PRKAB1: variants seen among roughly 807,000 people sequenced by gnomAD.
The protein encoded by PRKAB1 is 5'-AMP-activated protein kinase subunit beta-1.
Under a neutral mutation model 32.0 loss-of-function variants are expected in PRKAB1, and 18 were observed. The observed-to-expected ratio is 0.56, with a 90% CI of 0.39 to 0.83. The LOEUF is 0.83. Ranked by LOEUF, PRKAB1 falls within the 40% of genes least tolerant of loss-of-function variation. PRKAB1 has a pLI of 0.00. For missense variants in PRKAB1, 263 were observed against 352.6 expected (o/e 0.75, Z 2.03); for synonymous variants, 141 against 141.4 (o/e 1.00, Z 0.02).
rs1955407768 is a variant in PRKAB1 at position 119,674,343 on chromosome 12, A to G, written c.421A>G (p.Ile141Val). 8.1e-6 allele frequency: 13 copies of G among 1,611,250 alleles called. 1 individual carries two copies. The highest frequency in any genetic ancestry group is 5.3e-5 in the African/African-American group (4 of 74,860). The part of the protein sequence containing the change: ...GQWTHDPSEP[I>V]VTSQLGTVNN... ...CTGCCTATCTGTCTCTTCCCAGCCC[A>G]TAGTAACCAGCCAGCTTGGCACAGT... Residue 141 changes from isoleucine to valine, a missense_variant, in exon 4 of 7, where the codon ATA becomes GTA. Physicochemically the swap from Ile to Val is conservative, Grantham distance 29. Transcript: ENST00000229328. This position sits in a 1 kb window ranked among gnomAD's most constrained non-coding sequence, Gnocchi z 4.3.
chr12:119,673,789 C>T lies in PRKAB1; in HGVS notation c.324-175C>T, dbSNP rs971825055. The T allele has an allele frequency of 5.6e-6, 3 of 536,304 alleles. No homozygotes were observed. In the African/African-American group the frequency reaches 5.8e-5, roughly 10 times the overall value. 33.2% of individuals were successfully genotyped at this position (536,304 alleles called of 1,614,324 possible). The stretch of plus-strand genomic sequence containing the variant: ...GTGTCGCACTGCTGCTTCCTTATAG[C>T]CTTTTCAGATTGAGGTCATTATGCT... On this transcript the variant is annotated intron_variant, in intron 2 of 6. Coordinates refer to ENST00000229328, the MANE Select transcript of PRKAB1 (RefSeq NM_006253.5).
In PRKAB1 at chr12:119,681,317, C is replaced by T. The variant is rs1955462394; in HGVS notation, c.*992C>T. ...TGCTTATTCTGAAAGGAATGTAGAA[C>T]TTGACAGCAGCCTTCTGAGTCTGGG... On this transcript the variant is annotated 3_prime_UTR_variant, in exon 7 of 7. Transcript: ENST00000229328. 1 of 152,220 alleles carries T rather than the reference C, an allele frequency of 6.6e-6. No individual in the cohort carries two copies. Among genetic ancestry groups the T allele is most frequent in the South Asian group, 2.1e-4 (1 of 4,834 alleles). 9.4% of individuals were successfully genotyped at this position (152,220 alleles called of 1,614,324 possible).
intron 2 of PRKAB1, 93 bp downstream of exon 2, chr12:119,672,557 T>C (rs1283078885): frequency 1.5e-6 from 2 of 1,322,374 alleles, no homozygotes; most frequent in African/African-American, 1.5e-5. Context: ...TGGATGTTTC[T>C]ATAAAATGGA....
intron 1 of PRKAB1, 61 bp from the exon 2 acceptor site, chr12:119,672,240 C>T (rs1430289659): frequency 7.1e-7 from 1 of 1,414,580 alleles, no homozygotes; most frequent in African/African-American, 1.5e-5. Context: ...AATGAATTGT[C>T]AATATTGTCT....
chr12:119,676,741 C>T, intron 5 of PRKAB1, 71 bp downstream of exon 5: 1 of 1,549,784 alleles, frequency 6.5e-7, no homozygotes, highest in East Asian at 2.3e-5. Flanking sequence ...CCTGTGTCCA[C>T]CTCTTGCAAA....
chr12:119,677,247 A>G (rs1335151130), intron 5 of PRKAB1: 3 of 152,258 alleles, frequency 2.0e-5, no homozygotes, highest in African/African-American at 7.2e-5. Context: ...ATTCTTGGGA[A>G]TCCAGGAATT....
rs148256999 is a variant in PRKAB1 at position 119,674,678 on chromosome 12, C to A, written c.532+224C>A. Among the ~76,000 whole-genome samples, 376 of 152,316 alleles carry A rather than the reference C, an allele frequency of 2.5e-3. 2 individuals are homozygous for A. Among genetic ancestry groups the A allele is most frequent in the African/African-American group, 8.4e-3 (351 of 41,584 alleles). On this transcript the variant is annotated intron_variant, in intron 4 of 6. Coordinates refer to ENST00000229328, the MANE Select transcript of PRKAB1 (RefSeq NM_006253.5). This position sits in a 1 kb window ranked among gnomAD's most constrained non-coding sequence, Gnocchi z 4.3. ...TGGTCATCTCAGGTATTCAGTAGGT[C>A]TGCTTGGCCACAGAACGCAGACAGC...
intron 1 of PRKAB1, 124 bp downstream of exon 1, chr12:119,668,527 G>C (rs996174943): frequency 7.5e-6 from 10 of 1,332,236 alleles, no homozygotes; most frequent in Non-Finnish European, 1.0e-5. Flanking sequence ...TACATTACCC[G>C]GTGCACTTAA....
rs572111671 is a variant in PRKAB1 at position 119,679,231 on chromosome 12, T to C, written c.667-702T>C. ...TTGGCTGGTGCCAGATCCTTGGTAG[T>C]TGGTGCTCTCAGCAGCCACCCTGAA... On this transcript the variant is annotated intron_variant, in intron 5 of 6. Transcript: ENST00000229328. This position sits in a 1 kb window ranked among gnomAD's most constrained non-coding sequence, Gnocchi z 4.1. The C allele has an allele frequency of 1.3e-5, 2 of 152,398 alleles. No individual in the cohort carries two copies. The highest frequency in any genetic ancestry group is 6.5e-5 in the Admixed American group (1 of 15,306). The allele number at this position is 152,398 out of a possible 1,614,324, so 9.4% of individuals were successfully genotyped here. A position where few individuals can be genotyped will look rare whatever the true frequency, so the allele number is the denominator to read the frequency against.
At chr12:119,667,980 A>C (rs1378525015), upstream of PRKAB1, 1 of 458,516 alleles carries the variant, frequency 2.2e-6, no homozygotes, top group Non-Finnish European at 3.8e-6. Flanking sequence ...GGGGTGGTGA[A>C]GCGGTTGGGA....
chr12:119,675,911 A>G (rs1479941084), intron 4 of PRKAB1, among the ~76,000 whole-genome samples: 1 of 152,214 alleles, frequency 6.6e-6, no homozygotes, highest in Non-Finnish European at 1.5e-5. Flanking sequence ...TTCTAGCATT[A>G]TGAAATCCTG....
At position 119,679,705 on chromosome 12, in the gene PRKAB1, GAC is replaced by G; in HGVS notation, c.667-221_667-220del. 1 of 541,542 alleles carries G rather than the reference GAC, an allele frequency of 1.8e-6. No individual in the cohort carries two copies. The highest frequency in any genetic ancestry group is 3.3e-5 in the East Asian group (1 of 29,964). The allele number at this position is 541,542 out of a possible 1,614,324, so 33.5% of individuals were successfully genotyped here. A position where few individuals can be genotyped will look rare whatever the true frequency, so the allele number is the denominator to read the frequency against. ...AGGCCGGGGTAAATGCCTGGCCAGA[GAC>G]ACACACCGATGCCTCCAGCAGGCAT... On this transcript the variant is annotated intron_variant, in intron 5 of 6. Coordinates refer to ENST00000229328, the MANE Select transcript of PRKAB1 (RefSeq NM_006253.5). The surrounding 1 kb of genome is among the most constrained non-coding windows in gnomAD (Gnocchi z 4.1).
chr12:119,678,207 G>A (rs902752242), intron 5 of PRKAB1: 1 of 152,224 alleles, frequency 6.6e-6, no homozygotes, highest in Non-Finnish European at 1.5e-5. Flanking sequence ...GTAGCACTAA[G>A]CTCTAATGTA....
rs1414621438 is a variant in PRKAB1, at chr12:119,679,629, T to C, written c.667-304T>C. The C allele has an allele frequency of 7.4e-6, 3 of 404,392 alleles. No individual in the cohort carries two copies. The highest frequency in any genetic ancestry group is 1.4e-5 in the Non-Finnish European group (3 of 213,730). The allele number at this position is 404,392 out of a possible 1,614,324, so 25.1% of individuals were successfully genotyped here. On this transcript the variant is annotated intron_variant, in intron 5 of 6. Coordinates refer to ENST00000229328, the MANE Select transcript of PRKAB1 (RefSeq NM_006253.5). The surrounding 1 kb of genome is among the most constrained non-coding windows in gnomAD (Gnocchi z 4.1). ...GAAAGTGCTGTTAATAGCTGCTTTCTTCCTGCCCCACCCTCCATAAGAGGA... is the reference window on the plus strand; with the variant it reads ...GAAAGTGCTGTTAATAGCTGCTTTCCTCCTGCCCCACCCTCCATAAGAGGA...
chr12:119,676,988 C>T (rs900849735), intron 5 of PRKAB1, among the ~76,000 whole-genome samples: 1 of 152,234 alleles, frequency 6.6e-6, no homozygotes, highest in Non-Finnish European at 1.5e-5. Flanking sequence ...CATGCTCTGG[C>T]CCCCACATTT....
At chr12:119,673,264 T>C (rs1026013559) in intron 2 of PRKAB1, among the ~76,000 whole-genome samples, 2 of 152,208 alleles carry the variant, frequency 1.3e-5, no homozygotes, top group Non-Finnish European at 2.9e-5. Flanking sequence ...TATGTAGGTG[T>C]CATTAGCAAG....
chr12:119,673,029 G>T (rs1423929768), intron 2 of PRKAB1, among the ~76,000 whole-genome samples: 1 of 152,162 alleles, frequency 6.6e-6, no homozygotes, highest in Non-Finnish European at 1.5e-5. Flanking sequence ...AGGAGTTCAA[G>T]ACCAGCCTGG....
In PRKAB1 at chr12:119,676,755, G is replaced by C. The variant is rs898079196; in HGVS notation, c.666+85G>C. The C allele has an allele frequency of 2.0e-6, 3 of 1,504,618 alleles. No homozygotes were observed. In the Admixed American group the frequency reaches 5.4e-5, roughly 27 times the overall value. 93.2% of individuals were successfully genotyped at this position (1,504,618 alleles called of 1,614,324 possible). On this transcript the variant is annotated intron_variant, in intron 5 of 6. Transcript: ENST00000229328. ...TCCTGTGTCCACCTCTTGCAAAGCAGCTGGTGAGCAAGCTCAGTGTCACCC... is the reference window on the plus strand; with the variant it reads ...TCCTGTGTCCACCTCTTGCAAAGCACCTGGTGAGCAAGCTCAGTGTCACCC...
chr12:119,680,111 C>T, intron 6 of PRKAB1, 110 bp downstream of exon 6: 1 of 1,489,192 alleles, frequency 6.7e-7, no homozygotes, highest in East Asian at 2.3e-5. Context: ...CTTCCAGGGT[C>T]TGGCACAGGC....
Sources: allele counts gnomAD v4.1 joint callset (sites outside exome capture counted in the v4.1 genomes callset), GRCh38; gene constraint gnomAD v4.1.1; non-coding constraint Gnocchi (gnomAD v3.1); transcripts MANE v1.5; gene names NCBI Gene and HGNC (gene_info 2026-07-23, HGNC 2026-07-21).